TAFA1: variants seen among roughly 807,000 people sequenced by gnomAD.
TAFA1 encodes TAFA chemokine like family member 1.
TAFA1 carries 4 observed loss-of-function variants against 18.5 expected under a neutral mutation model. The ratio of observed to expected loss-of-function variants is 0.22; its 90% CI spans 0.11 to 0.49. TAFA1 has a LOEUF of 0.49. TAFA1 is among the 20% of genes least tolerant of loss of function. The probability of loss-of-function intolerance (pLI) is 0.98; values close to 1 mark genes in which losing one functional copy is unlikely to be tolerated. For synonymous variants in TAFA1, 56 were observed against 55.2 expected, an observed-to-expected ratio of 1.01 and a Z score of -0.06; for missense variants, 147 against 169.0, an observed-to-expected ratio of 0.87 and a Z score of 0.72.
chr3:68,358,107 T>C (rs893465403), intron 2 of TAFA1, among the ~76,000 whole-genome samples: 5 of 151,912 alleles, frequency 3.3e-5, no homozygotes, highest in African/African-American at 1.2e-4. Context: ...ATTATAGCAA[T>C]AAAGCTAAAA....
chr3:68,180,012 TTTATTATTATTA>T lies in TAFA1; in HGVS notation c.118+173289_118+173300del, dbSNP rs35696872. ...TTCTTTCCTGCCTATAACACATAAT[TTTATTATTATTA>T]TTATTATTATTATTATTATTTGAGA... is the stretch of plus-strand genomic sequence containing the variant. On this transcript the variant is annotated intron_variant, in intron 2 of 4. Coordinates refer to ENST00000478136, the MANE Select transcript of TAFA1 (RefSeq NM_213609.4). Among the ~76,000 whole-genome samples, 6 of 140,322 alleles carry T rather than the reference TTTATTATTATTA, an allele frequency of 4.3e-5. No individual in the cohort carries two copies. In the East Asian group the frequency reaches 8.2e-4, roughly 19 times the overall value. The allele number at this position is 140,322 out of a possible 152,430, so 92.1% of individuals were successfully genotyped here. A position where few individuals can be genotyped will look rare whatever the true frequency, so the allele number is the denominator to read the frequency against.
intron 2 of TAFA1, among the ~76,000 whole-genome samples, chr3:68,218,464 G>C (rs2066688495): frequency 6.6e-6 from 1 of 152,006 alleles, no homozygotes; most frequent in South Asian, 2.1e-4. Flanking sequence ...TGGGGATGAG[G>C]AATGAGTCGA....
At chr3:68,058,089 C>A (rs1024802111) in intron 2 of TAFA1, among the ~76,000 whole-genome samples, 1 of 152,168 alleles carries the variant, frequency 6.6e-6, no homozygotes, top group African/African-American at 2.4e-5. Context: ...ATCATCTTTG[C>A]AGCTGAAGTG....
chr3:68,340,195 A>G (rs534564665), intron 2 of TAFA1, among the ~76,000 whole-genome samples: 1 of 152,324 alleles, frequency 6.6e-6, no homozygotes, highest in East Asian at 1.9e-4. Context: ...ACAGAATCCT[A>G]AAAGATCACA....
intron 2 of TAFA1, among the ~76,000 whole-genome samples, chr3:68,388,866 A>T (rs2070165616): frequency 6.6e-6 from 1 of 152,132 alleles, no homozygotes; most frequent in Admixed American, 6.6e-5. Flanking sequence ...TAGAATAGAG[A>T]TCTCCATGTG....
intron 2 of TAFA1, among the ~76,000 whole-genome samples, chr3:68,089,696 C>T (rs1173333396): frequency 6.6e-6 from 1 of 152,084 alleles, no homozygotes; most frequent in Non-Finnish European, 1.5e-5. Flanking sequence ...ACCCCTCTTG[C>T]CTAGATGGAA....
chr3:68,084,861 C>T (rs1000093151), intron 2 of TAFA1, among the ~76,000 whole-genome samples: 1 of 151,424 alleles, frequency 6.6e-6, no homozygotes, highest in South Asian at 2.1e-4. Flanking sequence ...CAGTGGGAAT[C>T]GGCTGCCTTC....
chr3:68,189,076 C>T (rs1048510774), intron 2 of TAFA1, among the ~76,000 whole-genome samples: 1 of 151,758 alleles, frequency 6.6e-6, no homozygotes, highest in Non-Finnish European at 1.5e-5. Context: ...GAGTGTGACC[C>T]AAAATTTTGG....
At chr3:68,439,433 ATATATATATATG>A in intron 3 of TAFA1, among the ~76,000 whole-genome samples, 1 of 135,382 alleles carries the variant, frequency 7.4e-6, no homozygotes, top group Admixed American at 7.7e-5. Context: ...ATATATATAT[ATATATATATATG>A]AGTTTATCAA....
chr3:68,073,005 C>T (rs891404523), intron 2 of TAFA1, among the ~76,000 whole-genome samples: 12 of 152,326 alleles, frequency 7.9e-5, no homozygotes, highest in African/African-American at 2.4e-4. Flanking sequence ...AGAATGTACT[C>T]TTCCCCTGGC....
intron 2 of TAFA1, among the ~76,000 whole-genome samples, chr3:68,299,994 G>C (rs2068275027): frequency 6.6e-6 from 1 of 152,250 alleles, no homozygotes. Context: ...CCTCTGCTAA[G>C]GCAGTGTGGA....
rs531603847 is a variant in TAFA1 at position 68,345,886 on chromosome 3, T to C, written c.119-71394T>C. Among the ~76,000 whole-genome samples the C allele has an allele frequency of 2.0e-5, 3 of 152,254 alleles. No individual in the cohort carries two copies. The East Asian group carries it at 5.8e-4, about 29-fold the overall frequency. On this transcript the variant is annotated intron_variant, in intron 2 of 4. Transcript: ENST00000478136. ...CTTGGTAATGAGATGCACATTCTCT[T>C]TTTTAGAGATAAAGATAGAAAAGAT...
chr3:68,056,046 A>G (rs951258089), intron 2 of TAFA1, among the ~76,000 whole-genome samples: 1 of 152,118 alleles, frequency 6.6e-6, no homozygotes, highest in Non-Finnish European at 1.5e-5. Context: ...ATCCAATTCC[A>G]TAATCTTTCC....
intron 2 of TAFA1, among the ~76,000 whole-genome samples, chr3:68,011,078 T>C (rs906889278): frequency 7.1e-6 from 1 of 140,594 alleles, no homozygotes; most frequent in Non-Finnish European, 1.5e-5. Context: ...TATGGATATA[T>C]GAATTAGGAC....
chr3:67,995,393 G>A, the TAFA1 span, among the ~76,000 whole-genome samples: 1 of 152,082 alleles, frequency 6.6e-6, no homozygotes, highest in Non-Finnish European at 1.5e-5. Context: ...GGCATTTAGA[G>A]TTTTAAAAAC....
chr3:68,018,902 T>C (rs1421325788), intron 2 of TAFA1, among the ~76,000 whole-genome samples: 2 of 152,184 alleles, frequency 1.3e-5, no homozygotes, highest in East Asian at 3.8e-4. Flanking sequence ...AGCCTTAACA[T>C]GGGATGTTTC....
chr3:68,044,302 C>T (rs1274902802), intron 2 of TAFA1, among the ~76,000 whole-genome samples: 1 of 152,192 alleles, frequency 6.6e-6, no homozygotes, highest in African/African-American at 2.4e-5. Context: ...ATGGTAGGGA[C>T]TTTTGTTCTT....
At chr3:68,323,102 A>C (rs767086385) in intron 2 of TAFA1, among the ~76,000 whole-genome samples, 2 of 152,170 alleles carry the variant, frequency 1.3e-5, no homozygotes, top group Non-Finnish European at 2.9e-5. Context: ...TTGAAAAATA[A>C]ATCTTACATA....
chr3:68,322,121 A>T (rs781033219), intron 2 of TAFA1, among the ~76,000 whole-genome samples: 1 of 152,176 alleles, frequency 6.6e-6, no homozygotes, highest in Non-Finnish European at 1.5e-5. Context: ...CTAATTTCCT[A>T]ATTTCCTGGG....
Sources: allele counts gnomAD v4.1 joint callset (sites outside exome capture counted in the v4.1 genomes callset), GRCh38; gene constraint gnomAD v4.1.1; transcripts MANE v1.5; gene names NCBI Gene and HGNC (gene_info 2026-07-23, HGNC 2026-07-21).